ITGB2: variants seen among roughly 807,000 people sequenced by gnomAD.
The protein encoded by ITGB2 is integrin beta-2.
In ITGB2, 56 loss-of-function variants were observed where a neutral mutation model predicts 86.8. That is an observed-to-expected ratio of 0.65 (90% CI 0.52 to 0.81). The LOEUF is 0.81. ITGB2 is among the 30% of genes least tolerant of loss of function. The probability of loss-of-function intolerance (pLI) is 0.00; values close to 1 mark genes in which losing one functional copy is unlikely to be tolerated. For synonymous variants in ITGB2, 457 were observed against 450.4 expected, an observed-to-expected ratio of 1.01 and a Z score of -0.19; for missense variants, 948 against 1,061.2, an observed-to-expected ratio of 0.89 and a Z score of 1.48.
At chr21:44,902,596 C>T (rs1237711723) in intron 5 of ITGB2, among the ~76,000 whole-genome samples, 1 of 151,766 alleles carries the variant, frequency 6.6e-6, no homozygotes, top group Non-Finnish European at 1.5e-5. Flanking sequence ...TGTGAGCATG[C>T]ATTCGCGTGT....
intron 1 of ITGB2, among the ~76,000 whole-genome samples, chr21:44,917,461 G>A (rs1156557807): frequency 1.3e-5 from 2 of 152,182 alleles, no homozygotes; most frequent in African/African-American, 4.8e-5. Flanking sequence ...TTTCATGGTG[G>A]CCGACGAATT....
Position 44,899,119 on chromosome 21 carries a change from T to C in ITGB2, c.941A>G (p.Asn314Ser). 6.2e-7 allele frequency: 1 copy of C among 1,614,128 alleles called. No homozygotes were observed. The highest frequency in any genetic ancestry group is 1.1e-5 in the South Asian group (1 of 91,078). ...CACCGCGAAGATGGGCTGGATGTTG[T>C]TTTCAGCCAGCTTGTGCGCCAGCTG... is the stretch of plus-strand genomic sequence containing the variant. ...VGQLAHKLAE[N>S]NIQPIFAVTS... Residue 314 changes from asparagine (N) to serine (S), a missense_variant, in exon 8 of 16, where the codon AAC becomes AGC. Physicochemically the swap from Asn to Ser is conservative, Grantham distance 46. Transcript: ENST00000652462.
intron 11 of ITGB2, among the ~76,000 whole-genome samples, chr21:44,890,987 G>A (rs1339744392): frequency 6.6e-6 from 1 of 152,060 alleles, no homozygotes; most frequent in Non-Finnish European, 1.5e-5. Flanking sequence ...TCATTGTCCT[G>A]AGATATGGGA....
chr21:44,890,245 G>T, intron 11 of ITGB2, 23 bp from the exon 12 acceptor site: 1 of 1,612,510 alleles, frequency 6.2e-7, no homozygotes, highest in Non-Finnish European at 8.5e-7. Flanking sequence ...GGGGCCCCAA[G>T]GTCAGGCTCC....
chr21:44,920,318 A>G (rs778115142), intron 1 of ITGB2, among the ~76,000 whole-genome samples: 4 of 152,082 alleles, frequency 2.6e-5, no homozygotes, highest in Non-Finnish European at 5.9e-5. Context: ...ACACGACACT[A>G]CACACCACGA....
chr21:44,921,221 G>A (rs1303409865), upstream of ITGB2: 2 of 152,264 alleles, frequency 1.3e-5, no homozygotes, highest in Non-Finnish European at 2.9e-5. Context: ...TTTGATGCTG[G>A]AAAGCAACAG....
Position 44,890,036 on chromosome 21 carries a change from G to A in ITGB2, c.1599C>T (p.Tyr533=). 2 of 1,613,520 alleles carry A rather than the reference G, an allele frequency of 1.2e-6. No individual in the cohort carries two copies. The highest frequency in any genetic ancestry group is 1.7e-6 in the Non-Finnish European group (2 of 1,180,038). ...DVPGKLIYGQ[Y]CECDTINCER... The stretch of plus-strand genomic sequence containing the variant: ...CACAGTTGATGGTGTCACACTCGCA[G>A]TACTGCCCGTATATCAGCTTGCCGG... Residue 533 remains tyrosine, a synonymous_variant, in exon 12 of 16, where the codon TAC becomes TAT. Transcript: ENST00000652462.
intron 13 of ITGB2, 105 bp downstream of exon 13, chr21:44,889,171 G>T (rs1351423066): frequency 1.8e-6 from 2 of 1,116,384 alleles, no homozygotes; most frequent in African/African-American, 1.5e-5. Context: ...AGAGAACCCC[G>T]CGGTGCAGAG....
upstream of ITGB2, among the ~76,000 whole-genome samples, chr21:44,921,640 A>G (rs1195431394): frequency 6.6e-6 from 1 of 152,042 alleles, no homozygotes; most frequent in Non-Finnish European, 1.5e-5. Context: ...CCTAGAAAAA[A>G]AACCCAAATC....
At chr21:44,923,177 G>A (rs1025147876), upstream of ITGB2, among the ~76,000 whole-genome samples, 4 of 152,158 alleles carry the variant, frequency 2.6e-5, no homozygotes, top group African/African-American at 7.2e-5. Flanking sequence ...AGATGACATC[G>A]TAGGGATGCA....
intron 11 of ITGB2, 75 bp downstream of exon 11, chr21:44,891,734 C>T: frequency 5.2e-6 from 8 of 1,536,698 alleles, no homozygotes; most frequent in Non-Finnish European, 7.1e-6. Context: ...CCACCTGCAC[C>T]CACCTCACCT....
chr21:44,900,522 G>A (rs748921493), intron 6 of ITGB2, 47 bp from the exon 7 acceptor site: 1 of 1,609,612 alleles, frequency 6.2e-7, no homozygotes, highest in Non-Finnish European at 8.5e-7. Context: ...CAGTTTCCCA[G>A]ACCCGGCCCT....
At chr21:44,901,953 C>T (rs1170412479) in intron 5 of ITGB2, 2 of 584,250 alleles carry the variant, frequency 3.4e-6, no homozygotes, top group Non-Finnish European at 6.1e-6. Context: ...GTGCAATGTA[C>T]ATGGATGAGC....
rs760795873 is a variant in ITGB2 at position 44,899,050 on chromosome 21, G to A, written c.993+17C>T. The A allele has an allele frequency of 1.9e-6, 3 of 1,597,524 alleles. No individual in the cohort carries two copies. In the South Asian group the frequency reaches 3.3e-5, roughly 18 times the overall value. ...ATGCCCCCACCCAATGGATGCTCGG[G>A]ACCCAACAGCACTCACCTCGTAGGT... On this transcript the variant is annotated intron_variant, in intron 8 of 15. Transcript: ENST00000652462.
intron 11 of ITGB2, among the ~76,000 whole-genome samples, chr21:44,890,592 G>A (rs953158341): frequency 3.9e-5 from 6 of 152,278 alleles, no homozygotes; most frequent in East Asian, 1.9e-4. Context: ...GTGGGGACTC[G>A]GCACTGCCTC....
rs2083839308 is a variant in ITGB2 at position 44,894,752 on chromosome 21, C to A, written c.1083+219G>T. 8.1e-5 allele frequency: 49 copies of A among 606,216 alleles called. 2 individuals are homozygous for A. The South Asian group carries it at 8.5e-4, about 11-fold the overall frequency. 37.6% of individuals were successfully genotyped at this position (606,216 alleles called of 1,614,324 possible). ...GGAGCTCAGGTTTCAGGGAGCATCG[C>A]CCACAACATCAACGAGAGAGGACCC... On this transcript the variant is annotated intron_variant, in intron 9 of 15. Transcript: ENST00000652462.
At chr21:44,921,533 G>A (rs916526254), upstream of ITGB2, among the ~76,000 whole-genome samples, 2 of 151,912 alleles carry the variant, frequency 1.3e-5, no homozygotes, top group Non-Finnish European at 2.9e-5. Flanking sequence ...GGGACATTAG[G>A]AGGATACCAC....
At chr21:44,904,352 CA>C (rs1357517843) in intron 4 of ITGB2, among the ~76,000 whole-genome samples, 2 of 152,000 alleles carry the variant, frequency 1.3e-5, no homozygotes, top group African/African-American at 2.4e-5. Flanking sequence ...CACACAGTCA[CA>C]CATGGCATAC....
chr21:44,901,392 C>T (rs1024756324), intron 6 of ITGB2, 100 bp downstream of exon 6: 22 of 1,461,394 alleles, frequency 1.5e-5, no homozygotes, highest in African/African-American at 4.2e-5. Context: ...GTCCCTCAGA[C>T]GACCTGCCGG....
Sources: gnomAD v4.1 joint callset for allele counts (sites outside exome capture counted in the v4.1 genomes callset) on GRCh38, gnomAD v4.1.1 for gene constraint, MANE v1.5 for transcripts, NCBI Gene and HGNC (gene_info 2026-07-23, HGNC 2026-07-21) for gene names.